The following SH3GL2 variants were observed in gnomAD, a reference collection of about 807,000 sequenced individuals.
The protein encoded by SH3GL2 is SH3 domain containing GRB2 like 2, endophilin A1.
In SH3GL2, 24 loss-of-function variants were observed where a neutral mutation model predicts 46.0. The observed-to-expected ratio is 0.52, with a 90% CI of 0.38 to 0.73. The LOEUF is 0.73. Ranked by LOEUF, SH3GL2 falls within the 30% of genes least tolerant of loss-of-function variation. The pLI, the probability that SH3GL2 is intolerant of heterozygous loss-of-function variation, is 0.00. For missense variants in SH3GL2, 413 were observed against 424.2 expected, an observed-to-expected ratio of 0.97 and a Z score of 0.23; for synonymous variants, 196 against 147.1, an observed-to-expected ratio of 1.33 and a Z score of -2.40.
At chr9:17,619,316 A>C (rs995208468) in intron 1 of SH3GL2, among the ~76,000 whole-genome samples, 3 of 152,180 alleles carry the variant, frequency 2.0e-5, no homozygotes, top group Non-Finnish European at 4.4e-5. Flanking sequence ...ACTATATTTG[A>C]GAATTTCCCC....
intron 1 of SH3GL2, among the ~76,000 whole-genome samples, chr9:17,725,836 A>G (rs1822008291): frequency 6.6e-6 from 1 of 152,186 alleles, no homozygotes; most frequent in Non-Finnish European, 1.5e-5. Context: ...TTGAATAGGC[A>G]GCGAGAGGCA....
chr9:17,753,108 C>T (rs9406690), intron 2 of SH3GL2, among the ~76,000 whole-genome samples: 108,362 of 152,106 alleles, frequency 0.71, 39,003 homozygotes, highest in East Asian at 0.82. Flanking sequence ...CAGTCTCTCA[C>T]TGATGGGCAT....
intron 1 of SH3GL2, among the ~76,000 whole-genome samples, chr9:17,717,587 G>A (rs12380583): frequency 6.6e-6 from 1 of 152,054 alleles, no homozygotes; most frequent in East Asian, 1.9e-4. Flanking sequence ...TACCATGCCA[G>A]ATGCTCAGGA....
At chr9:17,666,674 C>T (rs1397502389) in intron 1 of SH3GL2, among the ~76,000 whole-genome samples, 1 of 151,830 alleles carries the variant, frequency 6.6e-6, no homozygotes, top group Non-Finnish European at 1.5e-5. Context: ...ATTGGCATTT[C>T]ACTTGTTTCC....
intron 1 of SH3GL2, among the ~76,000 whole-genome samples, chr9:17,710,046 T>G (rs1821577192): frequency 1.3e-5 from 2 of 151,882 alleles, no homozygotes; most frequent in African/African-American, 4.8e-5. Flanking sequence ...TGGGAAGGAC[T>G]TGCTATGTTG....
At chr9:17,637,324 C>T (rs72713356) in intron 1 of SH3GL2, among the ~76,000 whole-genome samples, 17 of 152,268 alleles carry the variant, frequency 1.1e-4, no homozygotes, top group East Asian at 1.9e-4. Context: ...TCAGGCCCAA[C>T]GAGAGTATTC....
chr9:17,763,257 G>A (rs1035181526), intron 3 of SH3GL2, among the ~76,000 whole-genome samples: 2 of 152,182 alleles, frequency 1.3e-5, no homozygotes, highest in African/African-American at 4.8e-5. Flanking sequence ...TCTGTTGTAG[G>A]TAGGTGTGGT....
At chr9:17,610,711 T>C (rs756413005) in intron 1 of SH3GL2, among the ~76,000 whole-genome samples, 5 of 145,224 alleles carry the variant, frequency 3.4e-5, no homozygotes, top group Non-Finnish European at 6.1e-5. Flanking sequence ...ATTCAAGAAG[T>C]ACAGCAAGTT....
At chr9:17,749,994 G>C (rs1260344198) in intron 2 of SH3GL2, among the ~76,000 whole-genome samples, 2 of 152,098 alleles carry the variant, frequency 1.3e-5, no homozygotes, top group African/African-American at 2.4e-5. Context: ...AATAAATTGA[G>C]AGATTTAGGT....
chr9:17,792,879 C>T (rs998048661), intron 7 of SH3GL2, among the ~76,000 whole-genome samples: 2 of 152,302 alleles, frequency 1.3e-5, no homozygotes, highest in South Asian at 2.1e-4. Flanking sequence ...GTCTCCCTTA[C>T]AGACCATAAT....
intron 1 of SH3GL2, among the ~76,000 whole-genome samples, chr9:17,684,318 C>A (rs959061493): frequency 3.9e-5 from 6 of 151,964 alleles, no homozygotes; most frequent in African/African-American, 1.5e-4. Context: ...TTTGATACCT[C>A]CTTGGTAGAA....
intron 3 of SH3GL2, among the ~76,000 whole-genome samples, chr9:17,779,411 G>C (rs1298584332): frequency 6.6e-6 from 1 of 152,120 alleles, no homozygotes; most frequent in Admixed American, 6.6e-5. Context: ...TCAGACCTGA[G>C]CCTGAATCCA....
At chr9:17,652,189 A>G (rs10119078) in intron 1 of SH3GL2, among the ~76,000 whole-genome samples, 2,404 of 152,232 alleles carry the variant, frequency 0.016, 61 homozygotes, top group African/African-American at 0.054. Flanking sequence ...GAAGGCATTT[A>G]AAGCTCATAA....
At chr9:17,645,151 C>CTTTTTTTTTTTTTTTTTT (rs57611978) in intron 1 of SH3GL2, among the ~76,000 whole-genome samples, 4 of 68,778 alleles carry the variant, frequency 5.8e-5, no homozygotes, top group Non-Finnish European at 8.0e-5. Flanking sequence ...GCAAACGCTG[C>CTTTTTTTTTTTTTTTTTT]TTTTTTTTTT....
intron 5 of SH3GL2, 77 bp downstream of exon 5, chr9:17,787,590 T>C: frequency 8.4e-7 from 1 of 1,191,696 alleles, no homozygotes; most frequent in Non-Finnish European, 1.2e-6. Flanking sequence ...TTAGAAAACA[T>C]TTTTTTAGCT....
chr9:17,761,288 T>G, intron 2 of SH3GL2, 149 bp from the exon 3 acceptor site: 4 of 644,642 alleles, frequency 6.2e-6, no homozygotes, highest in Non-Finnish European at 1.1e-5. Context: ...TCAGCATGAC[T>G]TCCAGCCGCG....
intron 1 of SH3GL2, chr9:17,589,060 C>T (rs1445286868): frequency 6.6e-6 from 1 of 152,172 alleles, no homozygotes; most frequent in African/African-American, 2.4e-5. Flanking sequence ...TATTTGTGAG[C>T]TTGTAAGTGT....
chr9:17,743,688 C>T (rs1301189369), intron 1 of SH3GL2, among the ~76,000 whole-genome samples: 6 of 151,994 alleles, frequency 3.9e-5, no homozygotes. Flanking sequence ...CAGTGGGATC[C>T]AAGTATCTCA....
chr9:17,582,160 T>C (rs1399652452), intron 1 of SH3GL2, among the ~76,000 whole-genome samples: 5 of 152,250 alleles, frequency 3.3e-5, no homozygotes, highest in African/African-American at 1.2e-4. Context: ...TATTTCTACC[T>C]TGTTGCTGAC....
Sources: gnomAD v4.1 joint callset for allele counts (sites outside exome capture counted in the v4.1 genomes callset) on GRCh38, gnomAD v4.1.1 for gene constraint, MANE v1.5 for transcripts, NCBI Gene and HGNC (gene_info 2026-07-23, HGNC 2026-07-21) for gene names.